Variants in ENKUR observed in about 807,000 individuals in gnomAD.
ENKUR encodes enkurin.
Under a neutral mutation model 27.6 loss-of-function variants are expected in ENKUR, and 19 were observed. The observed-to-expected ratio is 0.69, with a 90% CI of 0.48 to 1.01. The LOEUF is 1.01. Among genes scored for constraint, ENKUR ranks in the 50% least tolerant of loss-of-function variants. The pLI is 0.00. For missense variants in ENKUR, 312 were observed against 310.5 expected (o/e 1.00, Z -0.04); for synonymous variants, 117 against 96.9 (o/e 1.21, Z -1.22).
chr10:25,059,628 C>T (rs1263396926), intron 2 of ENKUR, among the ~76,000 whole-genome samples: 1 of 152,100 alleles, frequency 6.6e-6, no homozygotes, highest in Non-Finnish European at 1.5e-5. Context: ...CTGGGCACCC[C>T]CCAAAAAATG....
intron 2 of ENKUR, chr10:25,026,210 C>T (rs984418998): frequency 6.0e-6 from 1 of 166,718 alleles, no homozygotes; most frequent in Non-Finnish European, 1.5e-5. Flanking sequence ...CCTCAAATTC[C>T]ATTTTGGACT....
intron 2 of ENKUR, chr10:25,023,687 A>G: frequency 6.2e-7 from 1 of 1,614,080 alleles, no homozygotes; most frequent in Non-Finnish European, 8.5e-7. Flanking sequence ...GTATACCTGG[A>G]TGTACCTCTA....
At chr10:25,019,106 C>T (rs993836055), upstream of ENKUR, among the ~76,000 whole-genome samples, 3 of 152,172 alleles carry the variant, frequency 2.0e-5, no homozygotes, top group Non-Finnish European at 1.5e-5. Flanking sequence ...TAGTTTGTGT[C>T]CTGATACACA....
intron 2 of ENKUR, chr10:25,025,416 G>A (rs1440043286): frequency 1.9e-6 from 3 of 1,611,164 alleles, no homozygotes; most frequent in Non-Finnish European, 1.7e-6. Flanking sequence ...ATGTCTTGAA[G>A]AGTCATGTGG....
At chr10:25,051,774 G>A (rs545502367) in intron 2 of ENKUR, among the ~76,000 whole-genome samples, 4 of 152,264 alleles carry the variant, frequency 2.6e-5, no homozygotes, top group South Asian at 2.1e-4. Context: ...CTGAAGGTTC[G>A]AGAGAGAAGT....
intron 2 of ENKUR, among the ~76,000 whole-genome samples, chr10:25,044,432 G>A (rs139835616): frequency 1.3e-5 from 2 of 152,058 alleles, no homozygotes; most frequent in African/African-American, 2.4e-5. Flanking sequence ...CGTTTCACTC[G>A]GTCACCCAGG....
chr10:25,043,481 T>C (rs377172326), intron 2 of ENKUR, among the ~76,000 whole-genome samples: 1 of 152,280 alleles, frequency 6.6e-6, no homozygotes, highest in African/African-American at 2.4e-5. Context: ...TTTCCCCCAG[T>C]ATATAATATC....
chr10:25,009,022 C>T (rs1055554208), intron 1 of ENKUR, among the ~76,000 whole-genome samples: 3 of 152,086 alleles, frequency 2.0e-5, no homozygotes, highest in Non-Finnish European at 2.9e-5. Context: ...AACCAAACAC[C>T]GCATGTTCTC....
At chr10:25,033,335 T>C (rs1262424432) in intron 2 of ENKUR, among the ~76,000 whole-genome samples, 1 of 147,896 alleles carries the variant, frequency 6.8e-6, no homozygotes, top group Non-Finnish European at 1.5e-5. Context: ...GCTCAGGAAT[T>C]TGAGGTTGCC....
chr10:25,006,379 C>T (rs369547141), intron 1 of ENKUR, among the ~76,000 whole-genome samples: 3 of 152,054 alleles, frequency 2.0e-5, no homozygotes, highest in African/African-American at 7.2e-5. Context: ...GGCAGCACAC[C>T]GAGAACATTT....
upstream of ENKUR, chr10:25,016,792 G>A (rs898778870): frequency 5.2e-5 from 8 of 152,614 alleles, no homozygotes; most frequent in East Asian, 1.5e-3. Flanking sequence ...TTTCCTTGGT[G>A]AGTTATTGGA....
Position 25,006,485 on chromosome 10 carries a change from C to A in ENKUR, c.78-6939G>T, listed in dbSNP as rs776050404. 1.8e-4 allele frequency among the ~76,000 whole-genome samples: 27 copies of A among 152,002 alleles called. 1 individual carries two copies. Among genetic ancestry groups the A allele is most frequent in the Non-Finnish European group, 2.6e-4 (18 of 68,020 alleles). ...AGAAGCATGGGAAGGATCTTTCTTC[C>A]TTGATGGGCTGGCTGCTTAACTAAT... On this transcript the variant is annotated intron_variant, in intron 1 of 5. Coordinates refer to ENST00000331161, the MANE Select transcript of ENKUR (RefSeq NM_145010.4).
At chr10:25,058,050 G>A (rs562328925) in intron 2 of ENKUR, among the ~76,000 whole-genome samples, 1 of 152,192 alleles carries the variant, frequency 6.6e-6, no homozygotes, top group East Asian at 1.9e-4. Context: ...GGAGGTGAGT[G>A]AGGTTGATAG....
At chr10:25,028,679 G>A (rs1850898580) in intron 2 of ENKUR, among the ~76,000 whole-genome samples, 1 of 152,018 alleles carries the variant, frequency 6.6e-6, no homozygotes, top group African/African-American at 2.4e-5. Flanking sequence ...TACATACATG[G>A]TCTCCACTTT....
At chr10:25,053,409 C>A (rs2130489697) in intron 2 of ENKUR, among the ~76,000 whole-genome samples, 1 of 152,296 alleles carries the variant, frequency 6.6e-6, no homozygotes, top group South Asian at 2.1e-4. Flanking sequence ...TCCTGTCTAA[C>A]TGAAACTGCA....
chr10:24,994,518 G>A (rs1363480352), intron 3 of ENKUR, among the ~76,000 whole-genome samples: 1 of 151,624 alleles, frequency 6.6e-6, no homozygotes, highest in African/African-American at 2.4e-5. Flanking sequence ...ATTTTTAGTA[G>A]AGATGGGGTG....
chr10:24,999,113 T>C (rs1850130530), intron 2 of ENKUR, among the ~76,000 whole-genome samples: 1 of 152,208 alleles, frequency 6.6e-6, no homozygotes, highest in East Asian at 1.9e-4. Flanking sequence ...TTTCCTATAA[T>C]TGTTGTTTAT....
intron 2 of ENKUR, among the ~76,000 whole-genome samples, chr10:25,040,439 T>C (rs1332955281): frequency 1.3e-5 from 2 of 151,446 alleles, no homozygotes; most frequent in South Asian, 2.1e-4. Context: ...GGCGTGATCT[T>C]GGCTTACTGC....
chr10:25,007,128 T>G (rs542756903), intron 1 of ENKUR, among the ~76,000 whole-genome samples: 2 of 152,216 alleles, frequency 1.3e-5, no homozygotes, highest in Non-Finnish European at 2.9e-5. Context: ...TGAGTCATCA[T>G]GTCTAGACAG....
Sources: allele counts gnomAD v4.1 joint callset (sites outside exome capture counted in the v4.1 genomes callset), GRCh38; gene constraint gnomAD v4.1.1; transcripts MANE v1.5; gene names NCBI Gene and HGNC (gene_info 2026-07-23, HGNC 2026-07-21).